KDM1A: variants seen among roughly 807,000 people sequenced by gnomAD.
KDM1A encodes lysine demethylase 1A.
In KDM1A, 49 loss-of-function variants were observed where a neutral mutation model predicts 109.4. The ratio of observed to expected loss-of-function variants is 0.45; its 90% confidence interval spans 0.36 to 0.57. The LOEUF (loss-of-function observed/expected upper bound fraction) is 0.57, where lower values mean the gene tolerates loss of function less well. KDM1A is among the 20% of genes least tolerant of loss of function. The pLI is 0.00. For synonymous variants in KDM1A, 380 were observed against 415.4 expected (o/e 0.91, Z 1.04); for missense variants, 668 against 1,116.6 (o/e 0.60, Z 5.73).
At chr1:23,027,078 T>C (rs1641828002) in intron 1 of KDM1A, among the ~76,000 whole-genome samples, 1 of 152,094 alleles carries the variant, frequency 6.6e-6, no homozygotes, top group Non-Finnish European at 1.5e-5. Context: ...AAAAAAAACT[T>C]TATTAAATGA....
intron 2 of KDM1A, among the ~76,000 whole-genome samples, chr1:23,034,786 CTTT>C (rs1642093805): frequency 6.6e-6 from 1 of 152,166 alleles, no homozygotes; most frequent in Admixed American, 6.5e-5. Context: ...TAGCCTGAGA[CTTT>C]CATGGAAAGT....
intron 1 of KDM1A, among the ~76,000 whole-genome samples, chr1:23,022,937 G>C (rs1641685221): frequency 1.3e-5 from 2 of 152,124 alleles, no homozygotes; most frequent in Non-Finnish European, 1.5e-5. Flanking sequence ...GGGATTACAG[G>C]TGGAGCCACC....
At chr1:23,060,440 C>T (rs1262805984) in intron 9 of KDM1A, among the ~76,000 whole-genome samples, 2 of 152,058 alleles carry the variant, frequency 1.3e-5, no homozygotes. Context: ...AAGCAGATCA[C>T]AAACATATCA....
rs1336993508 is a variant in KDM1A at position 23,079,482 on chromosome 1, TTAAGG to T, written c.2056-70_2056-66del. The T allele has an allele frequency of 3.5e-6, 4 of 1,136,286 alleles. No individual in the cohort carries two copies. Among genetic ancestry groups the T allele is most frequent in the Non-Finnish European group, 5.2e-6 (4 of 769,660 alleles). The allele number at this position is 1,136,286 out of a possible 1,614,324, so 70.4% of individuals were successfully genotyped here. A position where few individuals can be genotyped will look rare whatever the true frequency, so the allele number is the denominator to read the frequency against. On this transcript the variant is annotated intron_variant, in intron 17 of 20. Coordinates refer to ENST00000400181, the MANE Select transcript of KDM1A (RefSeq NM_001009999.3). This position sits in a 1 kb window ranked among gnomAD's most constrained non-coding sequence, Gnocchi z 5.6. ...TTTTGAAAGCAGATTAGAAGAGACT[TTAAGG>T]AAGTCTGTTGAAGCCAGTATTATCT...
chr1:23,037,462 A>G (rs1015123857), intron 2 of KDM1A, among the ~76,000 whole-genome samples: 6 of 152,314 alleles, frequency 3.9e-5, no homozygotes, highest in African/African-American at 1.4e-4. Flanking sequence ...TATCATGTAC[A>G]GCGTGATGTT....
At chr1:23,020,153 C>T in intron 1 of KDM1A, 2 of 489,886 alleles carry the variant, frequency 4.1e-6, no homozygotes, top group Non-Finnish European at 6.7e-6. Flanking sequence ...GGTCTTTGTG[C>T]TGGGTCCCGA....
At chr1:23,077,092 T>C (rs1643488116) in intron 15 of KDM1A, 136 bp from the exon 16 acceptor site, 1 of 722,150 alleles carries the variant, frequency 1.4e-6, no homozygotes, top group East Asian at 2.9e-5. Flanking sequence ...AAATACTGAG[T>C]GATTTGTTCT....
chr1:23,039,634 T>A (rs1235013431), intron 2 of KDM1A, among the ~76,000 whole-genome samples: 1 of 152,228 alleles, frequency 6.6e-6, no homozygotes, highest in African/African-American at 2.4e-5. Flanking sequence ...CTTCTGAAAG[T>A]AGGTACCGAG....
chr1:23,081,173 C>A, intron 18 of KDM1A: 1 of 359,512 alleles, frequency 2.8e-6, no homozygotes, highest in South Asian at 4.2e-5. Flanking sequence ...GAAATTATAT[C>A]TTCAGAACTG....
chr1:23,083,473 C>T lies in KDM1A; in HGVS notation c.*109C>T, dbSNP rs1342311908. On this transcript the variant is annotated 3_prime_UTR_variant, in exon 21 of 21. Transcript: ENST00000400181. ...GAGAAAATCCACCCTGGCATCTGGG[C>T]TCCTGATCAGCTGATGGAGCTCCTG... The T allele has an allele frequency of 9.1e-7, 1 of 1,104,120 alleles. No individual in the cohort carries two copies. The allele number at this position is 1,104,120 out of a possible 1,614,324, so 68.4% of individuals were successfully genotyped here.
At position 23,081,452 on chromosome 1, in the gene KDM1A, T is replaced by TA. The variant is rs1248004261; in HGVS notation, c.2178dup (p.Leu727ThrfsTer18). 6.2e-7 allele frequency: 1 copy of TA among 1,614,168 alleles called. No homozygotes were observed. Among genetic ancestry groups the TA allele is most frequent in the East Asian group, 2.2e-5 (1 of 44,894 alleles). ...ATCCTTTCTGTTTCCCCAGCTCCAATACTGTTGGCACTAGTGGCAGGAGAA... is the reference window on the plus strand; with the variant it reads ...ATCCTTTCTGTTTCCCCAGCTCCAATAACTGTTGGCACTAGTGGCAGGAGAA... On this transcript the variant is annotated frameshift_variant, in exon 19 of 21. Transcript: ENST00000400181. LOFTEE classifies it high-confidence loss of function.
intron 9 of KDM1A, among the ~76,000 whole-genome samples, chr1:23,061,080 C>CT (rs980837324): frequency 1.3e-4 from 20 of 152,286 alleles, no homozygotes; most frequent in Admixed American, 4.6e-4. Context: ...GAGAAATGGA[C>CT]TGCTTTCTTG....
At chr1:23,040,966 G>C (rs1256606547) in intron 2 of KDM1A, among the ~76,000 whole-genome samples, 1 of 152,132 alleles carries the variant, frequency 6.6e-6, no homozygotes, top group East Asian at 1.9e-4. Flanking sequence ...TGCACTCATG[G>C]AAAGCTAACA....
At chr1:23,053,704 T>A in intron 4 of KDM1A, 57 bp from the exon 5 acceptor site, 1 of 1,179,464 alleles carries the variant, frequency 8.5e-7, no homozygotes, top group Non-Finnish European at 1.3e-6. Flanking sequence ...ATTTTAAAGA[T>A]AGTCAAATAA....
chr1:23,063,591 C>T (rs1643080315), intron 9 of KDM1A, among the ~76,000 whole-genome samples: 2 of 152,288 alleles, frequency 1.3e-5, no homozygotes, highest in East Asian at 3.9e-4. Flanking sequence ...CCAATCCATG[C>T]TTATTTATAA....
intron 2 of KDM1A, among the ~76,000 whole-genome samples, chr1:23,033,584 A>G (rs1642054948): frequency 6.6e-6 from 1 of 152,242 alleles, no homozygotes; most frequent in Admixed American, 6.5e-5. Flanking sequence ...CATTCTTACC[A>G]ACTTTTAAAT....
intron 4 of KDM1A, among the ~76,000 whole-genome samples, chr1:23,052,281 A>C (rs944658604): frequency 3.9e-5 from 6 of 152,204 alleles, no homozygotes; most frequent in Non-Finnish European, 7.3e-5. Context: ...TAAAACTGCA[A>C]CTTTAGGATT....
intron 15 of KDM1A, among the ~76,000 whole-genome samples, chr1:23,074,726 TTA>T (rs1276344480): frequency 6.6e-6 from 1 of 152,240 alleles, no homozygotes; most frequent in Admixed American, 6.5e-5. Context: ...GTGTTAATTT[TTA>T]TGTTTAAGGA....
intron 15 of KDM1A, among the ~76,000 whole-genome samples, chr1:23,074,197 G>A (rs1005511990): frequency 2.6e-5 from 4 of 152,186 alleles, no homozygotes; most frequent in Non-Finnish European, 5.9e-5. Flanking sequence ...GACTAGTGAT[G>A]TAGAGCAACT....
Sources: allele counts gnomAD v4.1 joint callset (sites outside exome capture counted in the v4.1 genomes callset), GRCh38; gene constraint gnomAD v4.1.1; non-coding constraint Gnocchi (gnomAD v3.1); transcripts MANE v1.5; gene names NCBI Gene and HGNC (gene_info 2026-07-23, HGNC 2026-07-21).